Variants in TMEM144 observed in about 807,000 individuals in gnomAD.
The protein encoded by TMEM144 is transmembrane protein 144.
Under a neutral mutation model 43.6 loss-of-function variants are expected in TMEM144, and 39 were observed. That is an observed-to-expected ratio of 0.90 (90% confidence interval 0.69 to 1.17). The LOEUF is 1.17. Among genes scored for constraint, TMEM144 ranks in the 50% most tolerant of loss-of-function variants. The pLI is 0.00. For synonymous variants in TMEM144, 154 were observed against 133.6 expected (o/e 1.15, Z -1.06); for missense variants, 417 against 411.9 (o/e 1.01, Z -0.11).
intron 11 of TMEM144, among the ~76,000 whole-genome samples, chr4:158,241,966 A>C (rs1178843223): frequency 6.6e-6 from 1 of 152,234 alleles, no homozygotes; most frequent in African/African-American, 2.4e-5. Context: ...GAACATTGAA[A>C]AACAAACAAA....
intron 12 of TMEM144, among the ~76,000 whole-genome samples, chr4:158,246,986 G>T (rs984064800): frequency 6.6e-6 from 1 of 151,784 alleles, no homozygotes; most frequent in Non-Finnish European, 1.5e-5. Context: ...AAACAGTGAG[G>T]AATGTTTTGT....
At chr4:158,251,532 G>C (rs1415739327) in intron 12 of TMEM144, among the ~76,000 whole-genome samples, 2 of 152,194 alleles carry the variant, frequency 1.3e-5, no homozygotes, top group Non-Finnish European at 2.9e-5. Context: ...CAGAGGCCAT[G>C]GGCTGATAAG....
chr4:158,224,299 C>T (rs1277612596), intron 6 of TMEM144, among the ~76,000 whole-genome samples: 2 of 151,912 alleles, frequency 1.3e-5, no homozygotes, highest in African/African-American at 4.8e-5. Flanking sequence ...CTTGTAAATT[C>T]TGGATATTAA....
intron 6 of TMEM144, among the ~76,000 whole-genome samples, chr4:158,226,891 CTTTTCT>C (rs950269562): frequency 4.6e-5 from 7 of 151,188 alleles, no homozygotes; most frequent in Non-Finnish European, 1.0e-4. Flanking sequence ...CCCTTTTTTT[CTTTTCT>C]TTTTCTTTTG....
At chr4:158,245,883 A>T (rs1002752100) in intron 12 of TMEM144, among the ~76,000 whole-genome samples, 1 of 152,104 alleles carries the variant, frequency 6.6e-6, no homozygotes, top group Non-Finnish European at 1.5e-5. Context: ...AGCCATGATC[A>T]TACCACTACA....
intron 12 of TMEM144, among the ~76,000 whole-genome samples, chr4:158,249,221 T>C (rs1560843218): frequency 6.6e-6 from 1 of 152,178 alleles, no homozygotes; most frequent in East Asian, 1.9e-4. Context: ...TTCTTTTATA[T>C]CTGATATCTG....
At chr4:158,240,902 T>G (rs1164742750) in intron 10 of TMEM144, among the ~76,000 whole-genome samples, 1 of 152,244 alleles carries the variant, frequency 6.6e-6, no homozygotes, top group Non-Finnish European at 1.5e-5. Flanking sequence ...GCATTGATCT[T>G]TTTTAAAAAT....
At chr4:158,216,058 A>C (rs1190589381) in intron 4 of TMEM144, among the ~76,000 whole-genome samples, 2 of 152,220 alleles carry the variant, frequency 1.3e-5, no homozygotes, top group Non-Finnish European at 2.9e-5. Flanking sequence ...GAAGTTCATA[A>C]GTTAGAAGAT....
At chr4:158,217,248 A>G (rs1280412305) in intron 4 of TMEM144, 73 bp from the exon 5 acceptor site, 6 of 1,084,722 alleles carry the variant, frequency 5.5e-6, no homozygotes, top group Non-Finnish European at 7.9e-6. Context: ...AAGTTAGAAT[A>G]AAAACTAATT....
intron 9 of TMEM144, 78 bp from the exon 10 acceptor site, chr4:158,240,221 G>C (rs1216767108): frequency 6.7e-7 from 1 of 1,503,480 alleles, no homozygotes; most frequent in Non-Finnish European, 9.0e-7. Flanking sequence ...GTTAATTCTG[G>C]TGAGTTTATT....
intron 5 of TMEM144, among the ~76,000 whole-genome samples, chr4:158,218,087 C>G (rs2111105866): frequency 6.6e-6 from 1 of 152,168 alleles, no homozygotes; most frequent in East Asian, 1.9e-4. Flanking sequence ...AGTCCCAGCT[C>G]TAGCGTTGTG....
chr4:158,237,925 T>C (rs895194547), intron 9 of TMEM144, among the ~76,000 whole-genome samples: 6 of 152,228 alleles, frequency 3.9e-5, no homozygotes, highest in Non-Finnish European at 7.3e-5. Flanking sequence ...TATTTTCCAG[T>C]TAGATGATCT....
intron 4 of TMEM144, among the ~76,000 whole-genome samples, chr4:158,215,776 C>T (rs10032178): frequency 0.33 from 50,507 of 151,988 alleles, 10,194 homozygotes; most frequent in African/African-American, 0.57. Context: ...CAAAAATCTT[C>T]CTGTTGCCTT....
chr4:158,229,353 A>G (rs1009678450), intron 6 of TMEM144, among the ~76,000 whole-genome samples: 2 of 152,176 alleles, frequency 1.3e-5, no homozygotes, highest in African/African-American at 4.8e-5. Flanking sequence ...GAAGAACAGC[A>G]AAGATGGATG....
intron 3 of TMEM144, among the ~76,000 whole-genome samples, chr4:158,214,884 A>T (rs905540565): frequency 6.6e-5 from 10 of 152,184 alleles, no homozygotes; most frequent in Non-Finnish European, 1.3e-4. Context: ...GTCTAATAGG[A>T]GGAAAAAAAG....
chr4:158,242,306 T>G (rs888602308), intron 11 of TMEM144, among the ~76,000 whole-genome samples: 12 of 152,214 alleles, frequency 7.9e-5, no homozygotes, highest in Non-Finnish European at 1.5e-4. Context: ...AGGTCCCTAT[T>G]GCTACCAGGC....
At chr4:158,237,290 A>G in intron 8 of TMEM144, 1 of 427,262 alleles carries the variant, frequency 2.3e-6, no homozygotes, top group Non-Finnish European at 4.2e-6. Context: ...ATTTCTATAA[A>G]TCATGTACTT....
chr4:158,215,088 A>C (rs1253017037), intron 3 of TMEM144, 103 bp from the exon 4 acceptor site: 25 of 1,431,668 alleles, frequency 1.7e-5, no homozygotes, highest in Non-Finnish European at 2.4e-5. Flanking sequence ...TATGGCATTT[A>C]ATAAATTGTG....
In TMEM144 at chr4:158,217,430, G is replaced by C; in HGVS notation, c.332+10G>C. The C allele has an allele frequency of 6.3e-7, 1 of 1,580,724 alleles. No homozygotes were observed. The highest frequency in any genetic ancestry group is 8.7e-7 in the Non-Finnish European group (1 of 1,150,738). ...GCTGGGCAAGCTCAAGGTAATTCAA[G>C]TCAAACTAGTTCAACTAAGATTTCC... is the stretch of plus-strand genomic sequence containing the variant. On this transcript the variant is annotated intron_variant, in intron 5 of 12. Coordinates refer to ENST00000296529, the MANE Select transcript of TMEM144 (RefSeq NM_018342.5).
Sources: allele counts gnomAD v4.1 joint callset (sites outside exome capture counted in the v4.1 genomes callset), GRCh38; gene constraint gnomAD v4.1.1; transcripts MANE v1.5; gene names NCBI Gene and HGNC (gene_info 2026-07-23, HGNC 2026-07-21).